The following SERPINA12 variants were observed in gnomAD, a reference collection of about 807,000 sequenced individuals.
SERPINA12 encodes serpin family A member 12.
SERPINA12 carries 21 observed loss-of-function variants against 25.9 expected under a neutral mutation model. The observed-to-expected ratio is 0.81, with a 90% CI of 0.58 to 1.17. SERPINA12 has a LOEUF of 1.17. Ranked by LOEUF, SERPINA12 falls within the 50% of genes most tolerant of loss-of-function variation. The pLI, the probability that SERPINA12 is intolerant of heterozygous loss-of-function variation, is 0.00. For missense variants in SERPINA12, 562 were observed against 508.3 expected (o/e 1.11, Z -1.02); for synonymous variants, 220 against 196.0 (o/e 1.12, Z -1.02).
chr14:94,505,425 G>T (rs1014729403), intron 1 of SERPINA12, among the ~76,000 whole-genome samples: 14 of 152,316 alleles, frequency 9.2e-5, no homozygotes, highest in African/African-American at 2.4e-4. Context: ...AGGCAGCAAG[G>T]CCTGCCTGCT....
intron 1 of SERPINA12, among the ~76,000 whole-genome samples, chr14:94,499,328 C>G (rs1369701456): frequency 6.6e-6 from 1 of 152,180 alleles, no homozygotes; most frequent in Non-Finnish European, 1.5e-5. Flanking sequence ...CTCCTTTCAT[C>G]CACCTCTCAG....
At chr14:94,505,352 C>T (rs1047063333) in intron 1 of SERPINA12, among the ~76,000 whole-genome samples, 1 of 152,204 alleles carries the variant, frequency 6.6e-6, no homozygotes, top group African/African-American at 2.4e-5. Context: ...ATATGGGTTC[C>T]AGAGCTGCCC....
At chr14:94,498,895 G>A (rs1230487093) in intron 1 of SERPINA12, among the ~76,000 whole-genome samples, 1 of 152,188 alleles carries the variant, frequency 6.6e-6, no homozygotes, top group Non-Finnish European at 1.5e-5. Context: ...AGCTAGCTTT[G>A]TGAAGTAGCC....
At chr14:94,509,478 C>T (rs1471835442), upstream of SERPINA12, among the ~76,000 whole-genome samples, 1 of 152,110 alleles carries the variant, frequency 6.6e-6, no homozygotes, top group Non-Finnish European at 1.5e-5. Flanking sequence ...CCTCTAGGCT[C>T]CCAGCCCCAC....
chr14:94,487,916 T>C (rs993644260), intron 4 of SERPINA12, among the ~76,000 whole-genome samples: 2 of 152,172 alleles, frequency 1.3e-5, no homozygotes, highest in Non-Finnish European at 2.9e-5. Context: ...GGGAGAAGGA[T>C]TCTGGATTAG....
In SERPINA12 at chr14:94,496,456, A is replaced by G. The variant is rs1900424240; in HGVS notation, c.822T>C (p.Leu274=). 2 of 1,613,984 alleles carry G rather than the reference A, an allele frequency of 1.2e-6. No homozygotes were observed. The highest frequency in any genetic ancestry group is 2.7e-5 in the African/African-American group (2 of 74,914). ...AGTGCTTCAGCTTGCCCTCATCAGG[A>G]AGGATGAAGATGGCTGTGATATTTT... ...YQKNITAIFI[L]PDEGKLKHLE... Residue 274 remains leucine, a synonymous_variant, in exon 3 of 5, where the codon CTT becomes CTC. Transcript: ENST00000677451.
At chr14:94,497,710 C>T (rs1900496023) in intron 2 of SERPINA12, 54 bp downstream of exon 2, 1 of 1,520,654 alleles carries the variant, frequency 6.6e-7, no homozygotes, top group Non-Finnish European at 8.8e-7. Flanking sequence ...AGGTTTTTAA[C>T]CCAAGTCTAG....
intron 1 of SERPINA12, among the ~76,000 whole-genome samples, chr14:94,506,467 A>T (rs76969675): frequency 0.025 from 3,878 of 152,316 alleles, 59 homozygotes; most frequent in African/African-American, 0.047. Context: ...GGACTGTGTC[A>T]TAGATGGGGC....
intron 1 of SERPINA12, among the ~76,000 whole-genome samples, chr14:94,507,954 G>A (rs1194596215): frequency 6.6e-6 from 1 of 152,228 alleles, no homozygotes; most frequent in Non-Finnish European, 1.5e-5. Context: ...TCCATTTATA[G>A]TAGAGAAGGG....
At position 94,497,802 on chromosome 14, in the gene SERPINA12, C is replaced by A; in HGVS notation, c.596G>T (p.Gly199Val). Residue 199 changes from glycine to valine, a missense_variant, in exon 2 of 5, where the codon GGC becomes GTC. Transcript: ENST00000677451. ...ATAATTTGCAAGAAGCATCACAGTG[C>A]CGGGGTCTATATTCTCGATCAGGTT... ...INNLIENIDP[G>V]TVMLLANYIF... The A allele has an allele frequency of 2.5e-6, 4 of 1,607,444 alleles. No individual in the cohort carries two copies. The highest frequency in any genetic ancestry group is 3.4e-5 in the Admixed American group (2 of 58,344).
chr14:94,488,837 G>A (rs1199667819), intron 4 of SERPINA12, among the ~76,000 whole-genome samples: 3 of 152,184 alleles, frequency 2.0e-5, no homozygotes, highest in Admixed American at 2.0e-4. Context: ...GCTCACGCCT[G>A]TAATCCCAGC....
chr14:94,494,194 C>A (rs1480841270), intron 3 of SERPINA12, among the ~76,000 whole-genome samples: 1 of 152,134 alleles, frequency 6.6e-6, no homozygotes, highest in Non-Finnish European at 1.5e-5. Context: ...CATTTCTTAC[C>A]TTCTCTTCAT....
At chr14:94,510,055 G>T (rs1178600923), upstream of SERPINA12, 1 of 985,316 alleles carries the variant, frequency 1.0e-6, no homozygotes, top group South Asian at 4.7e-5. Flanking sequence ...GCTCTGGGAC[G>T]TCTCAGGGCC....
At position 94,487,342 on chromosome 14, in the gene SERPINA12, C is replaced by T; in HGVS notation, c.1206G>A (p.Val402=). Reference sequence around the variant, plus strand: ...GGTTAACAATCTTTCCCAGGAAGAGCACGGAAGGTATTTTCTCGCTGTAAA... The same window carrying T: ...GGTTAACAATCTTTCCCAGGAAGAGTACGGAAGGTATTTTCTCGCTGTAAA... ...LLIYSEKIPS[V]LFLGKIVNPI... is the part of the protein sequence containing the mutation. The change falls in exon 5 of 5, where the codon GTG becomes GTA. Residue 402 remains valine (V), a synonymous_variant. Coordinates refer to ENST00000677451, the MANE Select transcript of SERPINA12 (RefSeq NM_001382267.1). The T allele has an allele frequency of 6.2e-7, 1 of 1,614,032 alleles. No individual in the cohort carries two copies. The highest frequency in any genetic ancestry group is 1.1e-5 in the South Asian group (1 of 91,054).
At chr14:94,496,333 A>G in intron 3 of SERPINA12, 40 bp downstream of exon 3, 2 of 1,610,592 alleles carry the variant, frequency 1.2e-6, no homozygotes, top group Middle Eastern at 1.7e-4. Flanking sequence ...AGGGAAGACA[A>G]GAGAAGGAAA....
intron 1 of SERPINA12, chr14:94,500,799 G>T: frequency 5.2e-6 from 5 of 961,684 alleles, no homozygotes; most frequent in Non-Finnish European, 6.2e-6. Flanking sequence ...AGCCCACCTT[G>T]CCTCTGGACC....
intron 3 of SERPINA12, among the ~76,000 whole-genome samples, chr14:94,494,045 A>G (rs915309916): frequency 5.9e-5 from 9 of 152,140 alleles, no homozygotes; most frequent in Non-Finnish European, 1.2e-4. Flanking sequence ...TGCACTCAGG[A>G]CAGTGAGTTC....
intron 1 of SERPINA12, among the ~76,000 whole-genome samples, chr14:94,508,049 G>A (rs559891995): frequency 1.3e-5 from 2 of 152,324 alleles, no homozygotes. Context: ...GGTTTCCACA[G>A]GATCCCCAGT....
At chr14:94,516,668 CA>C (rs1901243177) in intron 1 of SERPINA12, among the ~76,000 whole-genome samples, 1 of 152,216 alleles carries the variant, frequency 6.6e-6, no homozygotes, top group African/African-American at 2.4e-5. Flanking sequence ...TACACTGACA[CA>C]CCTGGCTGGA....
Sources: allele counts gnomAD v4.1 joint callset (sites outside exome capture counted in the v4.1 genomes callset), GRCh38; gene constraint gnomAD v4.1.1; transcripts MANE v1.5; gene names NCBI Gene and HGNC (gene_info 2026-07-23, HGNC 2026-07-21).